RABGAP1L: variants seen among roughly 807,000 people sequenced by gnomAD.
RABGAP1L encodes the protein rab GTPase-activating protein 1-like.
In RABGAP1L, 63 loss-of-function variants were observed where a neutral mutation model predicts 137.7. The ratio of observed to expected loss-of-function variants is 0.46; its 90% CI spans 0.37 to 0.56. The LOEUF (loss-of-function observed/expected upper bound fraction) is 0.56, where lower values mean the gene tolerates loss of function less well. Among genes scored for constraint, RABGAP1L ranks in the 20% least tolerant of loss-of-function variants. RABGAP1L has a pLI of 0.00. For missense variants in RABGAP1L, 1,095 were observed against 1,244.0 expected (o/e 0.88, Z 1.80); for synonymous variants, 431 against 433.7 (o/e 0.99, Z 0.08).
chr1:174,415,653 T>C (rs937756936), intron 13 of RABGAP1L, among the ~76,000 whole-genome samples: 2 of 152,098 alleles, frequency 1.3e-5, no homozygotes, highest in Non-Finnish European at 2.9e-5. Context: ...TCTTCAGTTC[T>C]GGTGTGAAGT....
intron 18 of RABGAP1L, among the ~76,000 whole-genome samples, chr1:174,791,898 G>C (rs1687885034): frequency 6.6e-6 from 1 of 152,190 alleles, no homozygotes; most frequent in Non-Finnish European, 1.5e-5. Flanking sequence ...GGGCAGACTT[G>C]TGGATACCCC....
intron 1 of RABGAP1L, among the ~76,000 whole-genome samples, chr1:174,198,655 G>T (rs573732578): frequency 7.9e-5 from 12 of 152,336 alleles, no homozygotes; most frequent in South Asian, 6.2e-4. Flanking sequence ...TTTCTGATCA[G>T]CAGCAGCATG....
intron 19 of RABGAP1L, among the ~76,000 whole-genome samples, chr1:174,891,376 G>T (rs1264596974): frequency 6.6e-6 from 1 of 152,110 alleles, no homozygotes; most frequent in Non-Finnish European, 1.5e-5. Flanking sequence ...ATAAATGAAG[G>T]TTTTGAGTAG....
At chr1:174,828,791 A>T (rs1296940296) in intron 19 of RABGAP1L, among the ~76,000 whole-genome samples, 1 of 147,538 alleles carries the variant, frequency 6.8e-6, no homozygotes, top group African/African-American at 2.5e-5. Context: ...ATTTATTCTG[A>T]CTCTGGCAAT....
chr1:174,419,757 A>G (rs928453297), intron 13 of RABGAP1L, among the ~76,000 whole-genome samples: 1 of 152,232 alleles, frequency 6.6e-6, no homozygotes, highest in Admixed American at 6.5e-5. Context: ...GCTTTATGTA[A>G]CAACTAAATC....
intron 13 of RABGAP1L, among the ~76,000 whole-genome samples, chr1:174,586,361 A>G (rs1338580669): frequency 7.0e-6 from 1 of 142,670 alleles, no homozygotes; most frequent in East Asian, 2.4e-4. Context: ...GGACACAGGG[A>G]GGGCAACAAT....
intron 12 of RABGAP1L, among the ~76,000 whole-genome samples, chr1:174,391,671 ATTAAT>A (rs1428276970): frequency 6.6e-6 from 1 of 152,136 alleles, no homozygotes; most frequent in Non-Finnish European, 1.5e-5. Flanking sequence ...TGCAGTTTTA[ATTAAT>A]TTAATTTATT....
intron 18 of RABGAP1L, among the ~76,000 whole-genome samples, chr1:174,783,801 C>T (rs565184164): frequency 2.5e-4 from 37 of 149,248 alleles, no homozygotes; most frequent in African/African-American, 8.1e-4. Flanking sequence ...CTCCACCTCC[C>T]GAGTTCAAGT....
intron 19 of RABGAP1L, among the ~76,000 whole-genome samples, chr1:174,883,371 G>T (rs989777338): frequency 1.3e-5 from 2 of 152,184 alleles, no homozygotes; most frequent in South Asian, 4.1e-4. Flanking sequence ...TTTGAAGAAG[G>T]TCTAAAGGAA....
At chr1:174,229,719 A>G (rs1279209230) in intron 3 of RABGAP1L, among the ~76,000 whole-genome samples, 2 of 152,196 alleles carry the variant, frequency 1.3e-5, no homozygotes, top group East Asian at 1.9e-4. Flanking sequence ...TAGTGCCGCT[A>G]TAAACATACA....
chr1:174,459,485 C>G (rs1656423738), intron 13 of RABGAP1L, among the ~76,000 whole-genome samples: 1 of 152,048 alleles, frequency 6.6e-6, no homozygotes, highest in Non-Finnish European at 1.5e-5. Flanking sequence ...TGCTTAAGTC[C>G]CTTTTATATA....
At chr1:174,532,372 C>A (rs1208769187) in intron 13 of RABGAP1L, among the ~76,000 whole-genome samples, 1 of 151,854 alleles carries the variant, frequency 6.6e-6, no homozygotes, top group Non-Finnish European at 1.5e-5. Flanking sequence ...CCACACCTGG[C>A]TAATTTTTGT....
At chr1:174,623,237 C>G (rs1672675295) in intron 13 of RABGAP1L, among the ~76,000 whole-genome samples, 1 of 152,060 alleles carries the variant, frequency 6.6e-6, no homozygotes, top group Admixed American at 6.6e-5. Context: ...ATACGTATAT[C>G]TAAATAGAGA....
intron 11 of RABGAP1L, among the ~76,000 whole-genome samples, chr1:174,339,719 G>C (rs966902201): frequency 6.6e-6 from 1 of 151,772 alleles, no homozygotes; most frequent in African/African-American, 2.4e-5. Context: ...TGATTCTCCT[G>C]CCTCAGCCTC....
Position 174,874,228 on chromosome 1 carries a change from CAAAT to C in RABGAP1L, c.2340+62272_2340+62275del, listed in dbSNP as rs146424954. On this transcript the variant is annotated intron_variant, in intron 19 of 25. Transcript: ENST00000681986. The stretch of plus-strand genomic sequence containing the variant: ...TTCTATCAAATAAACCTATTTCTAT[CAAAT>C]AAACCTATTTGATATCTTCTATCAA... Among the ~76,000 whole-genome samples, 807 of 150,992 alleles carry C rather than the reference CAAAT, an allele frequency of 5.3e-3. 10 individuals are homozygous for C. The highest frequency in any genetic ancestry group is 0.019 in the African/African-American group (762 of 40,524).
chr1:174,724,986 G>A (rs1418520153), intron 17 of RABGAP1L, among the ~76,000 whole-genome samples: 1 of 152,164 alleles, frequency 6.6e-6, no homozygotes, highest in Admixed American at 6.5e-5. Flanking sequence ...GAACACAAGA[G>A]CAGTTGGCCA....
chr1:174,415,389 ATGTT>A (rs1403709540), intron 13 of RABGAP1L, among the ~76,000 whole-genome samples: 1 of 152,028 alleles, frequency 6.6e-6, no homozygotes, highest in Non-Finnish European at 1.5e-5. Flanking sequence ...GTTGCTAAGA[ATGTT>A]TGTATTGCTG....
At chr1:174,321,902 C>T (rs1479639126) in intron 11 of RABGAP1L, among the ~76,000 whole-genome samples, 1 of 152,070 alleles carries the variant, frequency 6.6e-6, no homozygotes, top group African/African-American at 2.4e-5. Context: ...TCTTCTTGGT[C>T]AAGTGTCTAT....
chr1:174,714,399 G>A (rs191541592), intron 17 of RABGAP1L, among the ~76,000 whole-genome samples: 2 of 152,080 alleles, frequency 1.3e-5, no homozygotes, highest in Non-Finnish European at 2.9e-5. Flanking sequence ...TTTCTGAAAG[G>A]AAGAGCTATG....
Sources: allele counts gnomAD v4.1 joint callset (sites outside exome capture counted in the v4.1 genomes callset), GRCh38; gene constraint gnomAD v4.1.1; transcripts MANE v1.5; gene names NCBI Gene and HGNC (gene_info 2026-07-23, HGNC 2026-07-21).